Variants in MAP6 observed in about 807,000 individuals in gnomAD.
MAP6 encodes the protein microtubule-associated protein 6.
MAP6 carries 26 observed loss-of-function variants against 42.4 expected under a neutral mutation model. The ratio of observed to expected loss-of-function variants is 0.61; its 90% CI spans 0.45 to 0.85. MAP6 has a LOEUF of 0.85. Among genes scored for constraint, MAP6 ranks in the 40% least tolerant of loss-of-function variants. MAP6 has a pLI of 0.00. For synonymous variants in MAP6, 418 were observed against 443.8 expected, an observed-to-expected ratio of 0.94 and a Z score of 0.73; for missense variants, 966 against 1,099.0, an observed-to-expected ratio of 0.88 and a Z score of 1.71.
intron 1 of MAP6, among the ~76,000 whole-genome samples, chr11:75,666,711 T>C (rs976809359): frequency 2.0e-5 from 3 of 152,212 alleles, no homozygotes; most frequent in African/African-American, 4.8e-5. Context: ...CTCAAAAATA[T>C]GTTGAATATT....
intron 1 of MAP6, among the ~76,000 whole-genome samples, chr11:75,664,627 G>C (rs888635323): frequency 6.6e-6 from 1 of 152,176 alleles, no homozygotes; most frequent in African/African-American, 2.4e-5. Context: ...GCACAGCTTG[G>C]CTTCTAAGCC....
chr11:75,665,089 AG>A (rs1943924054), intron 1 of MAP6, among the ~76,000 whole-genome samples: 1 of 152,200 alleles, frequency 6.6e-6, no homozygotes, highest in Non-Finnish European at 1.5e-5. Context: ...AATTTTTTTG[AG>A]GTGTTCAAAG....
chr11:75,667,869 G>A lies in MAP6; in HGVS notation c.501C>T (p.Arg167=), dbSNP rs1035068838. Reference sequence around the variant, plus strand: ...TGGGGATCCACGGGTGGTCCCCGCGGCGCGGCAGCGGCCAGGCGCGGAAGT... The same window carrying A: ...TGGGGATCCACGGGTGGTCCCCGCGACGCGGCAGCGGCCAGGCGCGGAAGT... ...QKDFRAWPLP[R]RGDHPWIPKP... is the part of the protein sequence containing the mutation. Residue 167 remains arginine (R), a synonymous_variant, in exon 1 of 4, where the codon CGC becomes CGT. Coordinates refer to ENST00000304771, the MANE Select transcript of MAP6 (RefSeq NM_033063.2). This position sits in a 1 kb window ranked among gnomAD's most constrained non-coding sequence, Gnocchi z 5.6. 2.1e-6 allele frequency: 3 copies of A among 1,444,780 alleles called. No individual in the cohort carries two copies. The highest frequency in any genetic ancestry group is 2.2e-5 in the Admixed American group (1 of 44,690). 89.5% of individuals were successfully genotyped at this position (1,444,780 alleles called of 1,614,324 possible). A position where few individuals can be genotyped will look rare whatever the true frequency, so the allele number is the denominator to read the frequency against.
chr11:75,600,576 G>A lies in MAP6; in HGVS notation c.1316+5232C>T, dbSNP rs370513288. 2.5e-4 allele frequency among the ~76,000 whole-genome samples: 38 copies of A among 152,250 alleles called. No homozygotes were observed. The South Asian group carries it at 7.3e-3, about 29-fold the overall frequency. ...AAACAGCTGTCTTTCCTGTTCCAGTGGCCTTGGCTGCCCTAGCCGCTTTCC... is the reference window on the plus strand; with the variant it reads ...AAACAGCTGTCTTTCCTGTTCCAGTAGCCTTGGCTGCCCTAGCCGCTTTCC... On this transcript the variant is annotated intron_variant, in intron 3 of 3. Coordinates refer to ENST00000304771, the MANE Select transcript of MAP6 (RefSeq NM_033063.2).
In MAP6 at chr11:75,667,397, G is replaced by C; in HGVS notation, c.905+68C>G. Reference sequence around the variant, plus strand: ...CGCTAGGCCTGCGCTGGGGATCCTGGGCCCCGGGCAGCCCGCGGGGAGGGT... The same window carrying C: ...CGCTAGGCCTGCGCTGGGGATCCTGCGCCCCGGGCAGCCCGCGGGGAGGGT... On this transcript the variant is annotated intron_variant, in intron 1 of 3. Transcript: ENST00000304771. The surrounding 1 kb of genome is among the most constrained non-coding windows in gnomAD (Gnocchi z 5.6). The C allele has an allele frequency of 7.5e-7, 1 of 1,340,712 alleles. No homozygotes were observed. Among genetic ancestry groups the C allele is most frequent in the South Asian group, 1.6e-5 (1 of 61,822 alleles). 83.1% of individuals were successfully genotyped at this position (1,340,712 alleles called of 1,614,324 possible). A position where few individuals can be genotyped will look rare whatever the true frequency, so the allele number is the denominator to read the frequency against.
chr11:75,608,293 T>C lies in MAP6; in HGVS notation c.935A>G (p.Lys312Arg). The C allele has an allele frequency of 6.2e-7, 1 of 1,614,230 alleles. No individual in the cohort carries two copies. The highest frequency in any genetic ancestry group is 8.5e-7 in the Non-Finnish European group (1 of 1,180,040). Residue 312 changes from lysine (K) to arginine (R), a missense_variant, in exon 2 of 4, where the codon AAG (lysine) becomes AGG (arginine). This residue lies in a region of MAP6 where 943 missense variants were observed against 1,049.9 expected (regional missense o/e 0.90). Transcript: ENST00000304771. The part of the protein sequence containing the change: ...RNEFRAWTDI[K>R]PVKPIKAKPQ... ...CTTGGCCTTTATTGGTTTCACAGGC[T>C]TGATGTCCGTCCATGCCCTGAATTC...
rs771037189 is a variant in MAP6, at chr11:75,668,251, G to C, written c.119C>G (p.Pro40Arg). Residue 40 changes from proline to arginine, a missense_variant, in exon 1 of 4, where the codon CCG becomes CGG. By Grantham distance (103) the Pro-to-Arg change is moderately radical. Transcript: ENST00000304771. ...CGGCGGTGGCTGCGGCGGGGCGCCC[G>C]GGTGCTCGGTGGCCTCCGAGTACTT... ...FTKYSEATEH[P>R]GAPPQPPPPQ... 6.8e-7 allele frequency: 1 copy of C among 1,463,104 alleles called. No homozygotes were observed. Among genetic ancestry groups the C allele is most frequent in the Non-Finnish European group, 9.0e-7 (1 of 1,109,056 alleles). 90.6% of individuals were successfully genotyped at this position (1,463,104 alleles called of 1,614,324 possible). A position where few individuals can be genotyped will look rare whatever the true frequency, so the allele number is the denominator to read the frequency against.
rs754480703 is a variant in MAP6, at chr11:75,587,130, T to C, written c.2371A>G (p.Thr791Ala). ...ATGACTCGGGGTAGAGGTGAGACAG[T>C]AGGTAGCTGAGGGTCCCTGGGACCT... ...TQGPRDPQLP[T>A]VSPLPRVMIP... Residue 791 changes from threonine (T) to alanine (A), a missense_variant, in exon 4 of 4, where the codon ACT (threonine) becomes GCT (alanine). Coordinates refer to ENST00000304771, the MANE Select transcript of MAP6 (RefSeq NM_033063.2). 6.2e-7 allele frequency: 1 copy of C among 1,613,608 alleles called. No homozygotes were observed.
intron 1 of MAP6, chr11:75,638,437 G>C (rs1345940609): frequency 6.6e-6 from 1 of 152,186 alleles, no homozygotes; most frequent in African/African-American, 2.4e-5. Context: ...CACCTCTAGT[G>C]CTCTTGGAGT....
chr11:75,642,073 T>C (rs927199608), intron 1 of MAP6, among the ~76,000 whole-genome samples: 3 of 152,268 alleles, frequency 2.0e-5, no homozygotes, highest in Non-Finnish European at 4.4e-5. Context: ...TCAAAACTCA[T>C]CATTTCCTAA....
intron 3 of MAP6, chr11:75,604,429 C>G (rs1324751415): frequency 1.0e-6 from 1 of 985,314 alleles, no homozygotes; most frequent in Non-Finnish European, 1.2e-6. Context: ...AAAAGAAGAG[C>G]AAGCCTGCGC....
At chr11:75,619,522 G>T (rs1353902225) in intron 1 of MAP6, among the ~76,000 whole-genome samples, 1 of 152,000 alleles carries the variant, frequency 6.6e-6, no homozygotes, top group African/African-American at 2.4e-5. Context: ...TCCACCTTCT[G>T]ATAGGCCCCA....
intron 1 of MAP6, among the ~76,000 whole-genome samples, chr11:75,608,920 C>T (rs1231151712): frequency 6.6e-6 from 1 of 152,192 alleles, no homozygotes; most frequent in Admixed American, 6.5e-5. Context: ...GATGAACATC[C>T]TCGTGAAATG....
At chr11:75,596,942 C>G (rs146999903) in intron 3 of MAP6, among the ~76,000 whole-genome samples, 1 of 152,346 alleles carries the variant, frequency 6.6e-6, no homozygotes, top group African/African-American at 2.4e-5. Flanking sequence ...CAACAGGAAT[C>G]CTACAGATAG....
intron 1 of MAP6, among the ~76,000 whole-genome samples, chr11:75,637,886 C>G (rs1208110633): frequency 1.3e-5 from 1 of 79,696 alleles, no homozygotes; most frequent in Non-Finnish European, 2.3e-5. Context: ...GAAGGAAGGA[C>G]TGAGGGAGGG....
Position 75,668,029 on chromosome 11 carries a change from G to A in MAP6, c.341C>T (p.Ser114Phe). Residue 114 changes from serine (S) to phenylalanine (F), a missense_variant, in exon 1 of 4, where the codon TCC (serine) becomes TTC (phenylalanine). Around this residue, in one of 2 missense-constraint regions of MAP6, gnomAD observed 943 missense variants for 1,049.9 expected, o/e 0.90. Transcript: ENST00000304771. Reference sequence around the variant, plus strand: ...CCGCATCACCGAGTCCGCGGGGCCGGAGGTGGAGCCGGAGCCCAGGCCCGG... The same window carrying A: ...CCGCATCACCGAGTCCGCGGGGCCGAAGGTGGAGCCGGAGCCCAGGCCCGG... ...PGPGLGSGST[S>F]GPADSVMRQD... The A allele has an allele frequency of 1.6e-6, 2 of 1,232,782 alleles. No homozygotes were observed. Among genetic ancestry groups the A allele is most frequent in the Non-Finnish European group, 2.0e-6 (2 of 988,148 alleles). 76.4% of individuals were successfully genotyped at this position (1,232,782 alleles called of 1,614,324 possible).
intron 3 of MAP6, among the ~76,000 whole-genome samples, chr11:75,590,172 T>C (rs1942451910): frequency 6.6e-6 from 1 of 152,134 alleles, no homozygotes; most frequent in African/African-American, 2.4e-5. Context: ...CTCCAGTCAC[T>C]GGTGGCTGGT....
intron 1 of MAP6, among the ~76,000 whole-genome samples, chr11:75,635,201 C>G (rs1042546490): frequency 2.6e-5 from 4 of 152,220 alleles, no homozygotes; most frequent in Middle Eastern, 3.2e-3. Context: ...ATAAAGGAGC[C>G]TCTGAAAGTA....
chr11:75,634,196 A>C (rs1461472225), intron 1 of MAP6, among the ~76,000 whole-genome samples: 1 of 152,262 alleles, frequency 6.6e-6, no homozygotes, highest in Non-Finnish European at 1.5e-5. Flanking sequence ...AAGAGCGTTA[A>C]GAGCACATAA....
Sources: gnomAD v4.1 joint callset for allele counts (sites outside exome capture counted in the v4.1 genomes callset) on GRCh38, gnomAD v4.1.1 for gene constraint, gnomAD v4.1.1 regional missense constraint, Gnocchi (gnomAD v3.1) non-coding constraint, MANE v1.5 for transcripts, NCBI Gene and HGNC (gene_info 2026-07-23, HGNC 2026-07-21) for gene names.